Variants in RBFOX3 observed in about 807,000 individuals in gnomAD.
RBFOX3 encodes RNA binding protein fox-1 homolog 3.
A neutral mutation model predicts 48.7 loss-of-function variants in RBFOX3; 17 were observed. The ratio of observed to expected loss-of-function variants is 0.35; its 90% CI spans 0.24 to 0.52. The LOEUF (loss-of-function observed/expected upper bound fraction) is 0.52, where lower values mean the gene tolerates loss of function less well. Among genes scored for constraint, RBFOX3 ranks in the 20% least tolerant of loss-of-function variants. The pLI is 0.94. For missense variants in RBFOX3, 382 were observed against 497.5 expected, an observed-to-expected ratio of 0.77 and a Z score of 2.21; for synonymous variants, 212 against 209.5, an observed-to-expected ratio of 1.01 and a Z score of -0.10.
chr17:79,343,734 A>G (rs780348376), intron 2 of RBFOX3, among the ~76,000 whole-genome samples: 8 of 152,138 alleles, frequency 5.3e-5, no homozygotes, highest in Non-Finnish European at 1.5e-5. Context: ...GGCAGTGAAG[A>G]AAAGGGTGCC....
At position 79,111,900 on chromosome 17, in the gene RBFOX3, C is replaced by A. The variant is rs2031751404; in HGVS notation, c.222+3594G>T. ...AGTGAGATGGGGTCCCCCGGTCCTT[C>A]CGCAGCCCCTCATCGCACTCTGTAC... On this transcript the variant is annotated intron_variant, in intron 5 of 14. Coordinates refer to ENST00000693108, the MANE Select transcript of RBFOX3 (RefSeq NM_001350451.2). The surrounding 1 kb of genome is among the most constrained non-coding windows in gnomAD (Gnocchi z 4.2). Among the ~76,000 whole-genome samples, 1 of 152,220 alleles carries A rather than the reference C, an allele frequency of 6.6e-6. No individual in the cohort carries two copies. Among genetic ancestry groups the A allele is most frequent in the Admixed American group, 6.5e-5 (1 of 15,286 alleles).
chr17:79,631,336 G>A, the RBFOX3 span, among the ~76,000 whole-genome samples: 5 of 152,056 alleles, frequency 3.3e-5, no homozygotes, highest in African/African-American at 1.2e-4. Context: ...AGGAGACACG[G>A]GCAGTGAGAG....
At chr17:79,171,910 G>A (rs1057208808) in intron 4 of RBFOX3, among the ~76,000 whole-genome samples, 20 of 152,200 alleles carry the variant, frequency 1.3e-4, no homozygotes, top group Admixed American at 9.8e-4. Context: ...GGTGGCTCAC[G>A]CCTGTGATCC....
At chr17:79,574,835 G>C (rs2092804026) in intron 1 of RBFOX3, among the ~76,000 whole-genome samples, 1 of 152,214 alleles carries the variant, frequency 6.6e-6, no homozygotes, top group Admixed American at 6.5e-5. Flanking sequence ...AGCCTCCCAG[G>C]TGGTACCCAG....
chr17:79,131,904 G>A (rs889141289), intron 4 of RBFOX3, among the ~76,000 whole-genome samples: 1 of 152,148 alleles, frequency 6.6e-6, no homozygotes, highest in Admixed American at 6.5e-5. Flanking sequence ...GCTGAAAAGC[G>A]CCAGACGAGG....
chr17:79,267,162 C>G (rs1349986977), intron 3 of RBFOX3, among the ~76,000 whole-genome samples: 2 of 151,972 alleles, frequency 1.3e-5, no homozygotes, highest in African/African-American at 4.8e-5. Flanking sequence ...AGCCCACCCA[C>G]TTGGGGTGGG....
intron 3 of RBFOX3, among the ~76,000 whole-genome samples, chr17:79,275,352 C>A (rs1041853801): frequency 6.6e-6 from 1 of 152,022 alleles, no homozygotes; most frequent in Admixed American, 6.6e-5. Context: ...CTCAGAGAGG[C>A]CCCTGACCAC....
chr17:79,315,173 A>G (rs2077366911), intron 2 of RBFOX3, among the ~76,000 whole-genome samples: 1 of 152,176 alleles, frequency 6.6e-6, no homozygotes, highest in Non-Finnish European at 1.5e-5. Flanking sequence ...CTGACGACCA[A>G]GTAAATGGAT....
chr17:79,289,222 C>T (rs12449949), intron 3 of RBFOX3, among the ~76,000 whole-genome samples: 18,291 of 152,250 alleles, frequency 0.12, 1,285 homozygotes, highest in Middle Eastern at 0.26. Context: ...CCCGAGTCGG[C>T]GGGTTAGGTG....
chr17:79,662,515 C>T, the RBFOX3 span, among the ~76,000 whole-genome samples: 1 of 152,134 alleles, frequency 6.6e-6, no homozygotes, highest in Admixed American at 6.5e-5. Context: ...CCCTCCTTAA[C>T]GGGACCGCCT....
At chr17:79,474,699 C>T (rs2077478072) in intron 2 of RBFOX3, among the ~76,000 whole-genome samples, 1 of 152,114 alleles carries the variant, frequency 6.6e-6, no homozygotes, top group Non-Finnish European at 1.5e-5. Flanking sequence ...TCCTAAAGTC[C>T]TCATGGGTCT....
chr17:79,650,001 C>A, the RBFOX3 span, among the ~76,000 whole-genome samples: 1 of 152,168 alleles, frequency 6.6e-6, no homozygotes, highest in Non-Finnish European at 1.5e-5. Context: ...GAGAAACCGG[C>A]CCCCTGATCC....
rs537229202 is a variant in RBFOX3 at position 79,293,765 on chromosome 17, C to T, written c.-74+13959G>A. Among the ~76,000 whole-genome samples the T allele has an allele frequency of 4.4e-4, 67 of 152,248 alleles. 1 individual carries two copies. In the South Asian group the frequency reaches 0.014, roughly 32 times the overall value. On this transcript the variant is annotated intron_variant, in intron 3 of 14. Transcript: ENST00000693108. Reference sequence around the variant, plus strand: ...ACTTGCCCAGCCTGAGCCATTCTTGCTTTAGATAACCTGCTGCTTTGGGGG... The same window carrying T: ...ACTTGCCCAGCCTGAGCCATTCTTGTTTTAGATAACCTGCTGCTTTGGGGG...
Position 79,299,557 on chromosome 17 carries a change from G to T in RBFOX3, c.-74+8167C>A, listed in dbSNP as rs754049210. ...CCAGGGTACTGGAGGATGCACGTGG[G>T]TTACATGCAGAGGCTGCGCCATTTC... is the stretch of plus-strand genomic sequence containing the variant. On this transcript the variant is annotated intron_variant, in intron 3 of 14. Transcript: ENST00000693108. The surrounding 1 kb of genome is among the most constrained non-coding windows in gnomAD (Gnocchi z 4.5). Among the ~76,000 whole-genome samples, 3 of 152,222 alleles carry T rather than the reference G, an allele frequency of 2.0e-5. No individual in the cohort carries two copies. The highest frequency in any genetic ancestry group is 4.4e-5 in the Non-Finnish European group (3 of 68,042).
intron 2 of RBFOX3, among the ~76,000 whole-genome samples, chr17:79,416,526 T>C (rs2148668909): frequency 6.6e-6 from 1 of 152,348 alleles, no homozygotes; most frequent in African/African-American, 2.4e-5. Flanking sequence ...GCACTTCTGG[T>C]GTGGCCCCTG....
chr17:79,496,711 C>G (rs2081590019), intron 1 of RBFOX3, among the ~76,000 whole-genome samples: 1 of 152,118 alleles, frequency 6.6e-6, no homozygotes, highest in Admixed American at 6.5e-5. Context: ...CATTAGAGCT[C>G]TCCTAGAGAC....
In RBFOX3 at chr17:79,231,416, A is replaced by G. The variant is rs553218508; in HGVS notation, c.-34+4350T>C. Among the ~76,000 whole-genome samples, 14 of 152,294 alleles carry G rather than the reference A, an allele frequency of 9.2e-5. 1 individual carries two copies. The South Asian group carries it at 2.9e-3, about 32-fold the overall frequency. On this transcript the variant is annotated intron_variant, in intron 4 of 14. Transcript: ENST00000693108. ...TTTTACTGTTCATGGGGCACTGGGT[A>G]GAGCATGCAGAGCCCTGCCTTAGTA...
chr17:79,320,246 T>G (rs1246056696), intron 2 of RBFOX3, among the ~76,000 whole-genome samples: 1 of 152,170 alleles, frequency 6.6e-6, no homozygotes, highest in Non-Finnish European at 1.5e-5. Flanking sequence ...CACTCCTGCA[T>G]GGAGCCGCTC....
chr17:79,190,044 C>A (rs113171849), intron 4 of RBFOX3, among the ~76,000 whole-genome samples: 1 of 152,086 alleles, frequency 6.6e-6, no homozygotes, highest in African/African-American at 2.4e-5. Flanking sequence ...CTCTTGGTAC[C>A]CCCACTTGCT....
Sources: gnomAD v4.1 joint callset for allele counts (sites outside exome capture counted in the v4.1 genomes callset) on GRCh38, gnomAD v4.1.1 for gene constraint, Gnocchi (gnomAD v3.1) non-coding constraint, MANE v1.5 for transcripts, NCBI Gene and HGNC (gene_info 2026-07-23, HGNC 2026-07-21) for gene names.